Variants in QTGAL observed in about 807,000 individuals in gnomAD.
QTGAL encodes the protein queuosine-tRNA galactosyltransferase.
chr17:82,944,382 TAG>T, the QTGAL span: 1 of 152,076 alleles, frequency 6.6e-6, no homozygotes, highest in Non-Finnish European at 1.5e-5. Flanking sequence ...GTCCAGGTGA[TAG>T]AGTTTGGCAA....
the QTGAL span, among the ~76,000 whole-genome samples, chr17:82,995,183 A>G: frequency 1.3e-5 from 2 of 152,174 alleles, no homozygotes; most frequent in African/African-American, 4.8e-5. Context: ...TGAAAGTCCT[A>G]GCTAAAGCAA....
At chr17:82,952,697 G>A in the QTGAL span, among the ~76,000 whole-genome samples, 826 of 152,206 alleles carry the variant, frequency 5.4e-3, 9 homozygotes, top group African/African-American at 0.018. Context: ...TGGACCAAGC[G>A]GACCTAATAG....
the QTGAL span, among the ~76,000 whole-genome samples, chr17:83,045,781 T>TAAAC: frequency 6.6e-6 from 1 of 151,588 alleles, no homozygotes; most frequent in African/African-American, 2.4e-5. Flanking sequence ...AATACTTGAA[T>TAAAC]AAACATTTCT....
chr17:82,982,870 A>G, the QTGAL span, among the ~76,000 whole-genome samples: 3 of 152,020 alleles, frequency 2.0e-5, no homozygotes, highest in African/African-American at 4.8e-5. Context: ...TGGCTGCCAC[A>G]TCGTATCCAC....
At chr17:82,958,795 A>ATG in the QTGAL span, among the ~76,000 whole-genome samples, 140 of 106,308 alleles carry the variant, frequency 1.3e-3, no homozygotes, top group Middle Eastern at 0.017. Flanking sequence ...ACACTGAAGC[A>ATG]TGTGTGTGTG....
the QTGAL span, among the ~76,000 whole-genome samples, chr17:82,965,383 T>A: frequency 2.0e-5 from 3 of 152,190 alleles, no homozygotes; most frequent in African/African-American, 7.2e-5. Flanking sequence ...TAAACCAGGA[T>A]GCAGTAACCT....
the QTGAL span, chr17:82,957,529 G>A: frequency 6.4e-7 from 1 of 1,574,190 alleles, no homozygotes; most frequent in Non-Finnish European, 8.6e-7. Context: ...GCAGGCCGGA[G>A]GCCCCACAGA....
chr17:82,954,809 G>A, the QTGAL span, among the ~76,000 whole-genome samples: 1 of 152,108 alleles, frequency 6.6e-6, no homozygotes, highest in African/African-American at 2.4e-5. Flanking sequence ...ACAGAACAGA[G>A]GCCTCAGAAA....
At chr17:82,973,917 G>A in the QTGAL span, among the ~76,000 whole-genome samples, 2 of 152,156 alleles carry the variant, frequency 1.3e-5, no homozygotes, top group Admixed American at 1.3e-4. Context: ...GAGTGGCAGA[G>A]ACCCAGGTGG....
chr17:82,991,255 G>A, the QTGAL span, among the ~76,000 whole-genome samples: 1 of 152,122 alleles, frequency 6.6e-6, no homozygotes, highest in African/African-American at 2.4e-5. Context: ...GTTTGGCTGT[G>A]TCCCTACCCA....
chr17:82,974,925 C>G, the QTGAL span, among the ~76,000 whole-genome samples: 1 of 147,396 alleles, frequency 6.8e-6, no homozygotes, highest in Admixed American at 6.7e-5. Flanking sequence ...ACCAGGGCCC[C>G]AGGACAGAGC....
the QTGAL span, among the ~76,000 whole-genome samples, chr17:82,980,209 A>G: frequency 3.3e-5 from 5 of 152,250 alleles, no homozygotes; most frequent in Non-Finnish European, 7.3e-5. Context: ...AAAAATATCA[A>G]TTAATTGGAC....
the QTGAL span, among the ~76,000 whole-genome samples, chr17:83,017,998 CGTG>C: frequency 1.8e-4 from 25 of 139,726 alleles, no homozygotes; most frequent in African/African-American, 6.5e-4. Context: ...ACACGTGCTC[CGTG>C]AACACCGTGC....
At chr17:82,957,593 A>G in the QTGAL span, 5 of 1,435,552 alleles carry the variant, frequency 3.5e-6, no homozygotes, top group Non-Finnish European at 4.7e-6. Flanking sequence ...TCACGTTGCC[A>G]GTGGAGTGGA....
the QTGAL span, among the ~76,000 whole-genome samples, chr17:83,031,717 T>C: frequency 6.6e-6 from 1 of 152,092 alleles, no homozygotes; most frequent in South Asian, 2.1e-4. Flanking sequence ...AGGTGTGGGG[T>C]GGGTCCCAGG....
chr17:82,971,623 G>C, the QTGAL span, among the ~76,000 whole-genome samples: 8 of 144,890 alleles, frequency 5.5e-5, no homozygotes, highest in Admixed American at 4.2e-4. Context: ...CCACACCACA[G>C]GGGCCAGAAG....
At chr17:83,037,559 G>A in the QTGAL span, among the ~76,000 whole-genome samples, 1 of 152,228 alleles carries the variant, frequency 6.6e-6, no homozygotes, top group Admixed American at 6.5e-5. This position sits in a 1 kb window ranked among gnomAD's most constrained non-coding sequence, Gnocchi z 5.2. Context: ...ATGGTGGGCC[G>A]TGTCTCCAGG....
At chr17:82,991,417 G>A in the QTGAL span, among the ~76,000 whole-genome samples, 4 of 152,286 alleles carry the variant, frequency 2.6e-5, no homozygotes, top group East Asian at 1.9e-4. Context: ...TGGGGTTTCC[G>A]ATTTCGCTTC....
At chr17:82,994,987 A>G in the QTGAL span, among the ~76,000 whole-genome samples, 128 of 152,380 alleles carry the variant, frequency 8.4e-4, no homozygotes, top group African/African-American at 2.9e-3. Flanking sequence ...AACATTCAAC[A>G]TCTCTTCATG....
Sources: gnomAD v4.1 joint callset for allele counts (sites outside exome capture counted in the v4.1 genomes callset) on GRCh38, gnomAD v4.1.1 for gene constraint, Gnocchi (gnomAD v3.1) non-coding constraint, MANE v1.5 for transcripts, NCBI Gene and HGNC (gene_info 2026-07-23, HGNC 2026-07-21) for gene names.